The following TENT2 variants were observed in gnomAD, a reference collection of about 807,000 sequenced individuals.
TENT2 encodes terminal nucleotidyltransferase 2.
TENT2 carries 44 observed loss-of-function variants against 72.2 expected under a neutral mutation model. That is an observed-to-expected ratio of 0.61 (90% CI 0.48 to 0.78). The LOEUF (loss-of-function observed/expected upper bound fraction) is 0.78. Among genes scored for constraint, TENT2 ranks in the 30% least tolerant of loss-of-function variants. The pLI is 0.00. For synonymous variants in TENT2, 212 were observed against 192.5 expected, an observed-to-expected ratio of 1.10 and a Z score of -0.84; for missense variants, 541 against 569.6, an observed-to-expected ratio of 0.95 and a Z score of 0.51.
At position 79,671,105 on chromosome 5, in the gene TENT2, G is replaced by T. The variant is rs188938585; in HGVS notation, c.1208+2077G>T. Among the ~76,000 whole-genome samples, 242 of 152,214 alleles carry T rather than the reference G, an allele frequency of 1.6e-3. 1 individual carries two copies. The highest frequency in any genetic ancestry group is 4.4e-3 in the African/African-American group (181 of 41,558). ...AAATACCTTGAAAATCACCTGCTTTGTTGAACAGAAACAAGATAGTGGATG... is the reference window on the plus strand; with the variant it reads ...AAATACCTTGAAAATCACCTGCTTTTTTGAACAGAAACAAGATAGTGGATG... On this transcript the variant is annotated intron_variant, in intron 12 of 14. Coordinates refer to ENST00000453514, the MANE Select transcript of TENT2 (RefSeq NM_001114394.3).
intron 13 of TENT2, 178 bp from the exon 14 acceptor site, chr5:79,681,804 A>T: frequency 3.8e-6 from 2 of 525,784 alleles, no homozygotes; most frequent in Non-Finnish European, 6.9e-6. Flanking sequence ...TAGGCAGTTC[A>T]TAGTATATCA....
chr5:79,644,335 T>A (rs1305089299), intron 7 of TENT2, among the ~76,000 whole-genome samples: 1 of 152,150 alleles, frequency 6.6e-6, no homozygotes, highest in Non-Finnish European at 1.5e-5. Flanking sequence ...AATTTTCAGG[T>A]TTTAAAAAAT....
rs988770370 is a variant in TENT2 at position 79,686,520 on chromosome 5, T to G, written c.*1247T>G. 2 of 152,184 alleles carry G rather than the reference T, an allele frequency of 1.3e-5. No homozygotes were observed. The highest frequency in any genetic ancestry group is 1.5e-5 in the Non-Finnish European group (1 of 68,008). 9.4% of individuals were successfully genotyped at this position (152,184 alleles called of 1,614,324 possible). On this transcript the variant is annotated 3_prime_UTR_variant, in exon 15 of 15. Transcript: ENST00000453514. ...GTTTTGTACCTCTAACGTATTTTTT[T>G]TTTGCAGACCAAATGCTAAAACTTT...
At chr5:79,640,563 G>A (rs914776640) in intron 4 of TENT2, among the ~76,000 whole-genome samples, 7 of 152,136 alleles carry the variant, frequency 4.6e-5, no homozygotes, top group Non-Finnish European at 8.8e-5. Context: ...AATAAAGTGA[G>A]CAAGTGTTAA....
intron 11 of TENT2, 163 bp from the exon 12 acceptor site, chr5:79,668,729 C>A: frequency 1.5e-6 from 1 of 658,564 alleles, no homozygotes; most frequent in Non-Finnish European, 2.5e-6. Context: ...ACTGCAAATA[C>A]TGGTGAAGTC....
At chr5:79,628,061 T>C (rs780203005) in intron 4 of TENT2, among the ~76,000 whole-genome samples, 1 of 152,090 alleles carries the variant, frequency 6.6e-6, no homozygotes, top group Non-Finnish European at 1.5e-5. Flanking sequence ...GATCTTTGTC[T>C]CTAAAAATAT....
At chr5:79,619,873 T>C in intron 2 of TENT2, 88 bp downstream of exon 2, 2 of 1,508,316 alleles carry the variant, frequency 1.3e-6, no homozygotes, top group African/African-American at 1.4e-5. Flanking sequence ...CTTTTGAACA[T>C]GGAGAATATG....
chr5:79,623,690 G>A, intron 4 of TENT2: 1 of 389,280 alleles, frequency 2.6e-6, no homozygotes, highest in Non-Finnish European at 4.5e-6. Flanking sequence ...CAGCCATCAG[G>A]AAATCAGATT....
intron 10 of TENT2, among the ~76,000 whole-genome samples, chr5:79,655,970 A>G (rs2150296711): frequency 6.6e-6 from 1 of 152,048 alleles, no homozygotes; most frequent in African/African-American, 2.4e-5. Context: ...ATTTACATTA[A>G]TAGATTTCAG....
chr5:79,635,578 A>C (rs973434577), intron 4 of TENT2, among the ~76,000 whole-genome samples: 1 of 152,026 alleles, frequency 6.6e-6, no homozygotes, highest in South Asian at 2.1e-4. Flanking sequence ...TTTTGGAGAC[A>C]GAGTCTTGCT....
intron 11 of TENT2, among the ~76,000 whole-genome samples, chr5:79,668,153 A>G (rs998967992): frequency 5.9e-5 from 9 of 152,122 alleles, no homozygotes; most frequent in African/African-American, 2.2e-4. Flanking sequence ...ATGGGATAAC[A>G]TAGGAAAACA....
intron 10 of TENT2, among the ~76,000 whole-genome samples, chr5:79,653,054 A>G (rs1795360813): frequency 6.6e-6 from 1 of 152,196 alleles, no homozygotes; most frequent in East Asian, 1.9e-4. Context: ...CATTTAGCAT[A>G]CATGATCATC....
chr5:79,645,044 A>G (rs1787708991), intron 7 of TENT2, 79 bp from the exon 8 acceptor site: 6 of 1,138,142 alleles, frequency 5.3e-6, no homozygotes, highest in South Asian at 5.1e-5. Context: ...AGTAAATACT[A>G]TTTTTTAAAA....
At chr5:79,645,358 A>G (rs926462852) in intron 8 of TENT2, among the ~76,000 whole-genome samples, 166 bp downstream of exon 8, 2 of 152,162 alleles carry the variant, frequency 1.3e-5, no homozygotes, top group African/African-American at 4.8e-5. Context: ...AAATTGAGCA[A>G]TACTTTATGC....
chr5:79,664,628 G>A (rs906598419), intron 11 of TENT2, among the ~76,000 whole-genome samples: 3 of 151,506 alleles, frequency 2.0e-5, no homozygotes, highest in Admixed American at 6.6e-5. Context: ...ACAAATTTTG[G>A]TGGAGATATT....
chr5:79,682,966 A>T lies in TENT2; in HGVS notation c.1380+905A>T, dbSNP rs142934378. ...AGAAAAAGATGAGAGAACCGCAAAG[A>T]TCATTTTAGAGGCATACTTTTTCAT... On this transcript the variant is annotated intron_variant, in intron 14 of 14. Transcript: ENST00000453514. Among the ~76,000 whole-genome samples, 18 of 152,222 alleles carry T rather than the reference A, an allele frequency of 1.2e-4. No individual in the cohort carries two copies. In the East Asian group the frequency reaches 3.5e-3, roughly 29 times the overall value.
intron 4 of TENT2, among the ~76,000 whole-genome samples, chr5:79,635,167 C>T (rs1779071629): frequency 6.6e-6 from 1 of 152,122 alleles, no homozygotes; most frequent in South Asian, 2.1e-4. Flanking sequence ...ACTATAACAA[C>T]AGTGAGCCAT....
intron 12 of TENT2, among the ~76,000 whole-genome samples, chr5:79,677,339 T>C (rs1818048900): frequency 6.6e-6 from 1 of 152,192 alleles, no homozygotes. Context: ...AAAATGAATA[T>C]ATCTATTAAC....
chr5:79,633,796 A>G (rs1212863152), intron 4 of TENT2, among the ~76,000 whole-genome samples: 1 of 150,410 alleles, frequency 6.6e-6, no homozygotes, highest in African/African-American at 2.4e-5. Flanking sequence ...ACTGCTGAGT[A>G]TACCATGTGA....
Sources: gnomAD v4.1 joint callset for allele counts (sites outside exome capture counted in the v4.1 genomes callset) on GRCh38, gnomAD v4.1.1 for gene constraint, MANE v1.5 for transcripts, NCBI Gene and HGNC (gene_info 2026-07-23, HGNC 2026-07-21) for gene names.